The following NARF variants were observed in gnomAD, a reference collection of about 807,000 sequenced individuals.
The protein encoded by NARF is nuclear prelamin A recognition factor.
In NARF, 41 loss-of-function variants were observed where a neutral mutation model predicts 48.0. The observed-to-expected ratio is 0.85, with a 90% CI of 0.66 to 1.11. The LOEUF (loss-of-function observed/expected upper bound fraction) is 1.11. Ranked by LOEUF, NARF falls within the 50% of genes least tolerant of loss-of-function variation. NARF has a pLI of 0.00. For synonymous variants in NARF, 215 were observed against 225.5 expected (o/e 0.95, Z 0.42); for missense variants, 613 against 590.2 (o/e 1.04, Z -0.40).
intron 2 of NARF, among the ~76,000 whole-genome samples, chr17:82,461,204 G>A (rs1049623955): frequency 2.6e-5 from 4 of 152,088 alleles, no homozygotes; most frequent in African/African-American, 9.7e-5. Flanking sequence ...GATTACAGGC[G>A]TGAGCCACTG....
rs939816434 is a variant in NARF at position 82,471,748 on chromosome 17, C to T, written c.386-816C>T. ...CGGAGCTTGCAGTGAGCCGGGATAG[C>T]GCCACTGCAGTCCAGCTTGCGCGAA... On this transcript the variant is annotated intron_variant, in intron 4 of 10. Transcript: ENST00000309794. 1.2e-3 allele frequency among the ~76,000 whole-genome samples: 161 copies of T among 133,186 alleles called. 1 individual carries two copies. Among genetic ancestry groups the T allele is most frequent in the South Asian group, 1.7e-3 (7 of 4,060 alleles). 87.4% of individuals were successfully genotyped at this position (133,186 alleles called of 152,430 possible). A position where few individuals can be genotyped will look rare whatever the true frequency, so the allele number is the denominator to read the frequency against.
chr17:82,458,794 C>A lies in NARF; in HGVS notation c.-10C>A. On this transcript the variant is annotated 5_prime_UTR_variant, in exon 1 of 11. Transcript: ENST00000309794. ...CTGAGGCGCCCGGCCTCCCGCCCGCCGCGCTCCAGATGAAGTGTGAGCACT... is the reference window on the plus strand; with the variant it reads ...CTGAGGCGCCCGGCCTCCCGCCCGCAGCGCTCCAGATGAAGTGTGAGCACT... 1 of 1,461,674 alleles carries A rather than the reference C, an allele frequency of 6.8e-7. No homozygotes were observed. The allele number at this position is 1,461,674 out of a possible 1,614,324, so 90.5% of individuals were successfully genotyped here. A position where few individuals can be genotyped will look rare whatever the true frequency, so the allele number is the denominator to read the frequency against.
chr17:82,480,311 A>ACT (rs1555629566), intron 6 of NARF: 10 of 398,940 alleles, frequency 2.5e-5, no homozygotes, highest in Non-Finnish European at 4.4e-5. Context: ...ACACACACAC[A>ACT]CTCACTCAGG....
chr17:82,480,282 AGC>A (rs200052015), intron 6 of NARF: 4,600 of 346,884 alleles, frequency 0.013, 4 homozygotes, highest in East Asian at 0.072. Context: ...TGAAGTAGCC[AGC>A]GCGCGCACAC....
At chr17:82,463,249 G>C (rs77562466) in intron 2 of NARF, 9 of 152,310 alleles carry the variant, frequency 5.9e-5, no homozygotes, top group Non-Finnish European at 1.0e-4. Context: ...AAGCTTCAGA[G>C]TATTCATATG....
At position 82,489,875 on chromosome 17, in the gene NARF, T is replaced by G. The variant is rs921138626; in HGVS notation, c.*1718T>G. 4.6e-5 allele frequency: 7 copies of G among 152,080 alleles called. No individual in the cohort carries two copies. Among genetic ancestry groups the G allele is most frequent in the African/African-American group, 1.7e-4 (7 of 41,400 alleles). 9.4% of individuals were successfully genotyped at this position (152,080 alleles called of 1,614,324 possible). A position where few individuals can be genotyped will look rare whatever the true frequency, so the allele number is the denominator to read the frequency against. The stretch of plus-strand genomic sequence containing the variant: ...CAGAGTCTCACTTTGTCACCCAGGC[T>G]GGAGTTCAGTGGCGTGATCTCGGCT... On this transcript the variant is annotated 3_prime_UTR_variant, in exon 11 of 11. Transcript: ENST00000309794.
At chr17:82,466,534 C>A (rs2043572666) in intron 3 of NARF, among the ~76,000 whole-genome samples, 1 of 152,000 alleles carries the variant, frequency 6.6e-6, no homozygotes, top group Admixed American at 6.6e-5. Context: ...CTTATTGCAA[C>A]CTCTCCTTCC....
chr17:82,461,215 C>T (rs752496117), intron 2 of NARF, among the ~76,000 whole-genome samples: 2 of 152,138 alleles, frequency 1.3e-5, no homozygotes, highest in Non-Finnish European at 2.9e-5. Context: ...TGAGCCACTG[C>T]ACCTGGCCTC....
At chr17:82,460,196 G>C in intron 2 of NARF, 124 bp downstream of exon 2, 1 of 782,848 alleles carries the variant, frequency 1.3e-6, no homozygotes, top group Non-Finnish European at 2.0e-6. Flanking sequence ...CGGGCATGGT[G>C]GCTCACGCCT....
At chr17:82,475,197 G>A (rs2043805637) in intron 5 of NARF, among the ~76,000 whole-genome samples, 1 of 152,134 alleles carries the variant, frequency 6.6e-6, no homozygotes. Context: ...ACACAACATG[G>A]CTTCACAACA....
At chr17:82,468,382 G>C (rs2143856857) in intron 3 of NARF, 1 of 154,554 alleles carries the variant, frequency 6.5e-6, no homozygotes, top group East Asian at 1.9e-4. Flanking sequence ...GTATTACTCT[G>C]TCACTCAGGC....
intron 9 of NARF, among the ~76,000 whole-genome samples, chr17:82,485,231 C>T (rs2044069801): frequency 6.6e-6 from 1 of 152,152 alleles, no homozygotes; most frequent in African/African-American, 2.4e-5. Flanking sequence ...ACCATCCTGG[C>T]TAACACAGTG....
intron 3 of NARF, among the ~76,000 whole-genome samples, chr17:82,467,139 T>G (rs1240820250): frequency 1.3e-5 from 2 of 151,772 alleles, no homozygotes; most frequent in African/African-American, 2.4e-5. Context: ...CTCCACCTCC[T>G]GGGTTCAAGC....
chr17:82,472,529 G>C, intron 4 of NARF, 35 bp from the exon 5 acceptor site: 2 of 1,549,250 alleles, frequency 1.3e-6, no homozygotes, highest in Non-Finnish European at 1.7e-6. Context: ...CTTTTAGTAC[G>C]TGATTTAAGC....
rs770671206 is a variant in NARF, at chr17:82,458,802, A to G, written c.-2A>G. On this transcript the variant is annotated 5_prime_UTR_variant, in exon 1 of 11. Transcript: ENST00000309794. ...CCCGGCCTCCCGCCCGCCGCGCTCC[A>G]GATGAAGTGTGAGCACTGCACGCGC... 1.2e-5 allele frequency: 18 copies of G among 1,458,330 alleles called. No homozygotes were observed. Among genetic ancestry groups the G allele is most frequent in the Non-Finnish European group, 1.5e-5 (17 of 1,112,454 alleles). The allele number at this position is 1,458,330 out of a possible 1,614,324, so 90.3% of individuals were successfully genotyped here.
chr17:82,483,814 G>T, intron 8 of NARF, 35 bp downstream of exon 8: 1 of 1,603,412 alleles, frequency 6.2e-7, no homozygotes, highest in Non-Finnish European at 8.5e-7. Flanking sequence ...CCTCTGGGGG[G>T]CAGGACCTCT....
chr17:82,464,006 C>T, intron 2 of NARF: 1 of 344,590 alleles, frequency 2.9e-6, no homozygotes, highest in Non-Finnish European at 5.3e-6. Flanking sequence ...GGGTCATTTA[C>T]TTCCTACCAC....
Position 82,487,825 on chromosome 17 carries a change from G to A in NARF, c.1130-91G>A, listed in dbSNP as rs192023106. 608 of 1,432,834 alleles carry A rather than the reference G, an allele frequency of 4.2e-4. 3 individuals are homozygous for A. The African/African-American group carries it at 7.8e-3, about 18-fold the overall frequency. The allele number at this position is 1,432,834 out of a possible 1,614,324, so 88.8% of individuals were successfully genotyped here. On this transcript the variant is annotated intron_variant, in intron 10 of 10. Transcript: ENST00000309794. ...AAAATTTAAAAATCAGCCGGGCAAG[G>A]TGGTGTGTGTCTGTAGTTCTAGCTG...
At chr17:82,460,826 C>T (rs542145421) in intron 2 of NARF, 1 of 152,252 alleles carries the variant, frequency 6.6e-6, no homozygotes, top group Non-Finnish European at 1.5e-5. Context: ...ATCAGTGGCA[C>T]AAGGCCTGTC....
Sources: gnomAD v4.1 joint callset for allele counts (sites outside exome capture counted in the v4.1 genomes callset) on GRCh38, gnomAD v4.1.1 for gene constraint, MANE v1.5 for transcripts, NCBI Gene and HGNC (gene_info 2026-07-23, HGNC 2026-07-21) for gene names.